CPAMD8: variants seen among roughly 807,000 people sequenced by gnomAD.
CPAMD8 encodes the protein C3 and PZP-like alpha-2-macroglobulin domain-containing protein 8.
Under a neutral mutation model 224.7 loss-of-function variants are expected in CPAMD8, and 146 were observed. That is an observed-to-expected ratio of 0.65 (90% CI 0.57 to 0.75). The LOEUF (loss-of-function observed/expected upper bound fraction) is 0.75. CPAMD8 is among the 30% of genes least tolerant of loss of function. The pLI, the probability that CPAMD8 is intolerant of heterozygous loss-of-function variation, is 0.00. For synonymous variants in CPAMD8, 966 were observed against 1,044.6 expected (o/e 0.92, Z 1.45); for missense variants, 2,301 against 2,537.5 (o/e 0.91, Z 2.00).
At chr19:17,000,194 TTGTCATCCCAG>T in intron 10 of CPAMD8, 1 of 270,086 alleles carries the variant, frequency 3.7e-6, no homozygotes, top group Admixed American at 5.5e-5. Flanking sequence ...TGGCTCACAC[TTGTCATCCCAG>T]CACTTTTGGG....
At chr19:16,906,370 CTTTCTTTCTTTCT>C (rs2052494204) in intron 30 of CPAMD8, among the ~76,000 whole-genome samples, 8 of 90,760 alleles carry the variant, frequency 8.8e-5, no homozygotes, top group South Asian at 8.3e-4. Context: ...TTCTTTCTTT[CTTTCTTTCTTTCT>C]TTCTTTCTTT....
chr19:16,954,076 C>T (rs891121362), intron 19 of CPAMD8, among the ~76,000 whole-genome samples: 3 of 152,212 alleles, frequency 2.0e-5, no homozygotes, highest in Non-Finnish European at 2.9e-5. Flanking sequence ...GTGAATAACG[C>T]TGTGAACATG....
At chr19:16,997,382 G>A in intron 10 of CPAMD8, 44 bp from the exon 11 acceptor site, 1 of 1,154,606 alleles carries the variant, frequency 8.7e-7, no homozygotes, top group Non-Finnish European at 1.3e-6. Context: ...CAGGGTTGGA[G>A]TGTCTTTGAG....
intron 12 of CPAMD8, among the ~76,000 whole-genome samples, chr19:16,991,886 G>A (rs1485010538): frequency 1.3e-5 from 2 of 151,736 alleles, no homozygotes; most frequent in Non-Finnish European, 2.9e-5. Flanking sequence ...AGTGGCCCAG[G>A]TGACCAAACA....
intron 29 of CPAMD8, among the ~76,000 whole-genome samples, chr19:16,909,272 C>T (rs546986513): frequency 6.6e-6 from 1 of 152,108 alleles, no homozygotes; most frequent in Admixed American, 6.6e-5. Flanking sequence ...TGGCTGGGCA[C>T]GGTGGCTCAC....
chr19:16,917,785 A>T (rs1419072502), intron 27 of CPAMD8, among the ~76,000 whole-genome samples: 1 of 152,188 alleles, frequency 6.6e-6, no homozygotes, highest in Non-Finnish European at 1.5e-5. Flanking sequence ...AAGTCTAATG[A>T]CTATCTGTTA....
chr19:16,899,659 G>C lies in CPAMD8; in HGVS notation c.4774-110C>G. The C allele has an allele frequency of 1.4e-6, 1 of 689,686 alleles. No individual in the cohort carries two copies. The highest frequency in any genetic ancestry group is 1.5e-5 in the South Asian group (1 of 67,158). The allele number at this position is 689,686 out of a possible 1,614,324, so 42.7% of individuals were successfully genotyped here. A position where few individuals can be genotyped will look rare whatever the true frequency, so the allele number is the denominator to read the frequency against. ...CTTGGACTTGCCCACAAGTTACCAT[G>C]GGCTGGGGTCTGGGTGCTGGTCAGT... On this transcript the variant is annotated intron_variant, in intron 36 of 41. Transcript: ENST00000443236. The surrounding 1 kb of genome is among the most constrained non-coding windows in gnomAD (Gnocchi z 5.4).
intron 18 of CPAMD8, among the ~76,000 whole-genome samples, chr19:16,958,925 G>C (rs554054594): frequency 6.7e-6 from 1 of 149,748 alleles, no homozygotes; most frequent in Non-Finnish European, 1.5e-5. Context: ...TCAGCCTCCC[G>C]AGTAGCTAGG....
rs942015328 is a variant in CPAMD8 at position 16,922,098 on chromosome 19, A to G, written c.3548-112T>C. 6.0e-6 allele frequency: 4 copies of G among 662,846 alleles called. No homozygotes were observed. The African/African-American group carries it at 7.3e-5, about 12-fold the overall frequency. 41.1% of individuals were successfully genotyped at this position (662,846 alleles called of 1,614,324 possible). A position where few individuals can be genotyped will look rare whatever the true frequency, so the allele number is the denominator to read the frequency against. ...TACCCCGGATCTCCGAAGCCACACC[A>G]CATGTGGGGTCCCTGGAATTGCCTC... On this transcript the variant is annotated intron_variant, in intron 26 of 41. Coordinates refer to ENST00000443236, the MANE Select transcript of CPAMD8 (RefSeq NM_015692.5).
At chr19:16,995,510 C>T (rs1432622916) in intron 11 of CPAMD8, among the ~76,000 whole-genome samples, 4 of 152,212 alleles carry the variant, frequency 2.6e-5, no homozygotes, top group Admixed American at 6.5e-5. Flanking sequence ...AAGCAATTAT[C>T]GTGCCTCAGC....
intron 29 of CPAMD8, among the ~76,000 whole-genome samples, 164 bp from the exon 30 acceptor site, chr19:16,907,281 C>A (rs117642995): frequency 6.7e-6 from 1 of 150,226 alleles, no homozygotes; most frequent in African/African-American, 2.4e-5. Flanking sequence ...ATTTTCAAAC[C>A]CCATCTCCTT....
chr19:16,963,924 T>G (rs1438346802), intron 18 of CPAMD8, among the ~76,000 whole-genome samples: 3 of 152,146 alleles, frequency 2.0e-5, no homozygotes, highest in Non-Finnish European at 4.4e-5. Context: ...CTGAACAACC[T>G]GCTCCTGAAT....
intron 8 of CPAMD8, chr19:17,002,596 G>A: frequency 2.6e-6 from 1 of 381,464 alleles, no homozygotes; most frequent in Non-Finnish European, 4.8e-6. Flanking sequence ...TAGACCACGT[G>A]CTTAGAGTGT....
intron 9 of CPAMD8, among the ~76,000 whole-genome samples, chr19:17,001,867 C>T (rs1018799936): frequency 1.3e-5 from 2 of 150,204 alleles, no homozygotes; most frequent in African/African-American, 4.9e-5. Context: ...GGGGTGCCCC[C>T]AGGGGAGGGG....
Position 16,898,144 on chromosome 19 carries a change from C to CTTTT in CPAMD8, c.4849-154_4849-151dup, listed in dbSNP as rs35096930. 8.4e-5 allele frequency: 44 copies of CTTTT among 526,116 alleles called. No individual in the cohort carries two copies. Among genetic ancestry groups the CTTTT allele is most frequent in the South Asian group, 1.9e-4 (8 of 43,160 alleles). 32.6% of individuals were successfully genotyped at this position (526,116 alleles called of 1,614,324 possible). On this transcript the variant is annotated intron_variant, in intron 37 of 41. Coordinates refer to ENST00000443236, the MANE Select transcript of CPAMD8 (RefSeq NM_015692.5). The surrounding 1 kb of genome is among the most constrained non-coding windows in gnomAD (Gnocchi z 4.2). ...CATTTTCTTTTTTTCTTTTACTTTTCTTTTTTTTTTTTTTTCCTGAGACAG... is the reference window on the plus strand; with the variant it reads ...CATTTTCTTTTTTTCTTTTACTTTTCTTTTTTTTTTTTTTTTTTTCCTGAGACAG...
chr19:16,942,855 T>C (rs767110690), intron 22 of CPAMD8, among the ~76,000 whole-genome samples: 19 of 152,250 alleles, frequency 1.2e-4, no homozygotes, highest in African/African-American at 2.9e-4. Context: ...GATGCACGAA[T>C]AGTAGCTCCG....
chr19:16,929,197 A>G lies in CPAMD8; in HGVS notation c.2889T>C (p.Tyr963=), dbSNP rs2053472363. Residue 963 remains tyrosine (Y), a synonymous_variant, in exon 24 of 42, where the codon TAT becomes TAC. Transcript: ENST00000443236. The part of the protein sequence containing the change: ...ISTPNKYEFQ[Y]VQRPLRLTRF... ...GGGTGAGGCGCAGTGGCCGCTGCAC[A>G]TACTGGAACTCATACTTGTTGGGGG... 2 of 1,612,070 alleles carry G rather than the reference A, an allele frequency of 1.2e-6. No individual in the cohort carries two copies. Among genetic ancestry groups the G allele is most frequent in the East Asian group, 4.5e-5 (2 of 44,822 alleles).
Position 16,919,948 on chromosome 19 carries a change from G to A in CPAMD8, c.3629+1957C>T, listed in dbSNP as rs146249617. ...CATGGATCCAGGTTCTTAGAGGGAT[G>A]TGTGGTAAGGAAACAGGCTCAGAGA... On this transcript the variant is annotated intron_variant, in intron 27 of 41. Transcript: ENST00000443236. Among the ~76,000 whole-genome samples, 548 of 152,314 alleles carry A rather than the reference G, an allele frequency of 3.6e-3. 4 individuals are homozygous for A. Among genetic ancestry groups the A allele is most frequent in the African/African-American group, 0.012 (497 of 41,574 alleles).
intron 4 of CPAMD8, 25 bp from the exon 5 acceptor site, chr19:17,011,541 G>A: frequency 6.2e-7 from 1 of 1,614,166 alleles, no homozygotes; most frequent in Non-Finnish European, 8.5e-7. Context: ...AGAGGCGTGT[G>A]ACACCTCCAG....
Sources: allele counts gnomAD v4.1 joint callset (sites outside exome capture counted in the v4.1 genomes callset), GRCh38; gene constraint gnomAD v4.1.1; non-coding constraint Gnocchi (gnomAD v3.1); transcripts MANE v1.5; gene names NCBI Gene and HGNC (gene_info 2026-07-23, HGNC 2026-07-21).